The following TTC6 variants were observed in gnomAD, a reference collection of about 807,000 sequenced individuals.
TTC6 encodes tetratricopeptide repeat protein 6.
In TTC6, 172 loss-of-function variants were observed where a neutral mutation model predicts 210.4. The ratio of observed to expected loss-of-function variants is 0.82; its 90% CI spans 0.72 to 0.93. TTC6 has a LOEUF of 0.93. TTC6 is among the 40% of genes least tolerant of loss of function. TTC6 has a pLI of 0.00. For missense variants in TTC6, 2,414 were observed against 2,318.1 expected (o/e 1.04, Z -0.85); for synonymous variants, 804 against 819.6 (o/e 0.98, Z 0.32).
chr14:37,670,494 TTA>T, intron 1 of TTC6, among the ~76,000 whole-genome samples: 1 of 149,804 alleles, frequency 6.7e-6, no homozygotes, highest in Non-Finnish European at 1.5e-5. Context: ...TTTTTTTTTT[TTA>T]GTCTCCCTCT....
In TTC6 at chr14:37,804,831, G is replaced by A; in HGVS notation, c.4164+17G>A. ...TTACAAATGGTATTTCGTGTATTTA[G>A]GAGTATAGATTATTTGTGATTTTAG... is the stretch of plus-strand genomic sequence containing the variant. On this transcript the variant is annotated intron_variant, in intron 21 of 30. Coordinates refer to ENST00000553443, the Ensembl canonical transcript of TTC6. The A allele has an allele frequency of 6.2e-7, 1 of 1,611,808 alleles. No individual in the cohort carries two copies. Among genetic ancestry groups the A allele is most frequent in the Non-Finnish European group, 8.5e-7 (1 of 1,178,928 alleles).
chr14:37,749,634 C>G, intron 11 of TTC6, 80 bp from the exon 14 acceptor site: 1 of 1,119,488 alleles, frequency 8.9e-7, no homozygotes, highest in Non-Finnish European at 1.2e-6. Context: ...CTGGGATCAA[C>G]CGTGTTTTAA....
chr14:37,649,831 C>A (rs2095707995), intron 1 of TTC6, among the ~76,000 whole-genome samples: 2 of 152,140 alleles, frequency 1.3e-5, no homozygotes, highest in African/African-American at 4.8e-5. Flanking sequence ...AAGCAGAGAC[C>A]AAACTGTAGA....
exon 1 of TTC6, chr14:37,622,948 C>A: frequency 6.5e-7 from 1 of 1,528,788 alleles, no homozygotes; most frequent in Non-Finnish European, 8.8e-7. Context: ...TCCGACCAGA[C>A]CATCAAAGAG....
intron 1 of TTC6, among the ~76,000 whole-genome samples, chr14:37,637,646 AG>A (rs1482784256): frequency 1.3e-5 from 2 of 152,196 alleles, no homozygotes; most frequent in Non-Finnish European, 2.9e-5. Context: ...AGGAAAAAAA[AG>A]AGAAAAAAAT....
chr14:37,629,156 G>A (rs2139330930), intron 1 of TTC6, among the ~76,000 whole-genome samples: 1 of 152,268 alleles, frequency 6.6e-6, no homozygotes, highest in Middle Eastern at 3.4e-3. Flanking sequence ...GTCAGTGGTA[G>A]CTTGATGGGG....
chr14:37,664,354 T>A (rs1032329346), intron 1 of TTC6, among the ~76,000 whole-genome samples: 1 of 150,582 alleles, frequency 6.6e-6, no homozygotes, highest in Non-Finnish European at 1.5e-5. Context: ...ACGTCGCACC[T>A]ACAACCATCA....
chr14:37,817,179 C>T (rs921822150), intron 25 of TTC6, among the ~76,000 whole-genome samples: 4 of 152,136 alleles, frequency 2.6e-5, no homozygotes, highest in Non-Finnish European at 4.4e-5. Flanking sequence ...GGTTCTCTCC[C>T]GGTACATTTC....
At chr14:37,611,027 A>T (rs1332048616) in intron 2 of TTC6, among the ~76,000 whole-genome samples, 1 of 152,214 alleles carries the variant, frequency 6.6e-6, no homozygotes, top group African/African-American at 2.4e-5. Context: ...TCAGTCCAAG[A>T]GGCTCTTCGG....
chr14:37,740,494 G>C (rs10467769), intron 10 of TTC6, among the ~76,000 whole-genome samples: 1 of 151,036 alleles, frequency 6.6e-6, no homozygotes, highest in African/African-American at 2.4e-5. Context: ...AAAAAAAATT[G>C]TTCACTTTAT....
At chr14:37,825,900 C>T (rs909981150) in intron 27 of TTC6, among the ~76,000 whole-genome samples, 5 of 151,956 alleles carry the variant, frequency 3.3e-5, no homozygotes, top group Non-Finnish European at 2.9e-5. Context: ...AAACCACTGG[C>T]GTTTCACATG....
intron 20 of TTC6, among the ~76,000 whole-genome samples, chr14:37,799,209 TCC>T (rs1188979837): frequency 6.6e-6 from 1 of 152,188 alleles, no homozygotes; most frequent in African/African-American, 2.4e-5. Context: ...CTATTTTTTC[TCC>T]CTGGGCATTT....
intron 7 of TTC6, among the ~76,000 whole-genome samples, chr14:37,734,588 T>TA (rs1305853649): frequency 6.6e-6 from 1 of 152,220 alleles, no homozygotes; most frequent in Non-Finnish European, 1.5e-5. Flanking sequence ...TAATGTTACC[T>TA]AATTAGAAGC....
At chr14:37,700,520 A>T (rs2095822906) in intron 4 of TTC6, among the ~76,000 whole-genome samples, 1 of 152,042 alleles carries the variant, frequency 6.6e-6, no homozygotes, top group Non-Finnish European at 1.5e-5. Context: ...AGGCAGGCAG[A>T]TTACTTGAGG....
intron 2 of TTC6, among the ~76,000 whole-genome samples, chr14:37,616,124 G>A (rs970230185): frequency 4.6e-5 from 7 of 152,152 alleles, no homozygotes; most frequent in Admixed American, 1.3e-4. Flanking sequence ...AGCCTTTACT[G>A]TGCTACTTTG....
At chr14:37,725,734 T>C (rs2095871863) in intron 7 of TTC6, among the ~76,000 whole-genome samples, 1 of 152,180 alleles carries the variant, frequency 6.6e-6, no homozygotes, top group Non-Finnish European at 1.5e-5. Context: ...ATATTCTGTT[T>C]TCTTTTTGAA....
chr14:37,739,175 C>G lies in TTC6; in HGVS notation c.2363+20C>G. 6.8e-7 allele frequency: 1 copy of G among 1,470,262 alleles called. No homozygotes were observed. Among genetic ancestry groups the G allele is most frequent in the Non-Finnish European group, 8.9e-7 (1 of 1,122,752 alleles). 91.1% of individuals were successfully genotyped at this position (1,470,262 alleles called of 1,614,324 possible). A position where few individuals can be genotyped will look rare whatever the true frequency, so the allele number is the denominator to read the frequency against. On this transcript the variant is annotated intron_variant, in intron 10 of 30. Transcript: ENST00000553443. ...TGAAAGGTCTTGTTTAAGTGATTTT[C>G]TTATAGTTTAAGAAATATATTGTGG...
At chr14:37,771,732 CT>C (rs2096019610) in intron 14 of TTC6, among the ~76,000 whole-genome samples, 1 of 152,086 alleles carries the variant, frequency 6.6e-6, no homozygotes, top group African/African-American at 2.4e-5. Context: ...TTTTCAACTT[CT>C]TTGTCTTTGG....
intron 3 of TTC6, among the ~76,000 whole-genome samples, chr14:37,689,925 A>G (rs2095800545): frequency 6.6e-6 from 1 of 152,188 alleles, no homozygotes; most frequent in Non-Finnish European, 1.5e-5. Context: ...ACAGAATATT[A>G]TACCACCATA....
Sources: gnomAD v4.1 joint callset for allele counts (sites outside exome capture counted in the v4.1 genomes callset) on GRCh38, gnomAD v4.1.1 for gene constraint, MANE v1.5 for transcripts, NCBI Gene and HGNC (gene_info 2026-07-23, HGNC 2026-07-21) for gene names.